The following FBXW8 variants were observed in gnomAD, a reference collection of about 807,000 sequenced individuals.
The protein encoded by FBXW8 is F-box/WD repeat-containing protein 8.
FBXW8 carries 57 observed loss-of-function variants against 65.3 expected under a neutral mutation model. The observed-to-expected ratio is 0.87, with a 90% CI of 0.71 to 1.09. FBXW8 has a LOEUF of 1.09. Ranked by LOEUF, FBXW8 falls within the 50% of genes least tolerant of loss-of-function variation. The pLI is 0.00. For missense variants in FBXW8, 777 were observed against 814.8 expected, an observed-to-expected ratio of 0.95 and a Z score of 0.57; for synonymous variants, 308 against 330.2, an observed-to-expected ratio of 0.93 and a Z score of 0.73.
intron 1 of FBXW8, among the ~76,000 whole-genome samples, chr12:116,917,645 GT>G (rs1880536562): frequency 2.0e-5 from 3 of 152,188 alleles, no homozygotes; most frequent in African/African-American, 7.2e-5. Flanking sequence ...GCCTTGGAGT[GT>G]CATCTGGCTG....
intron 4 of FBXW8, among the ~76,000 whole-genome samples, chr12:116,952,820 C>T (rs144470148): frequency 0.016 from 2,387 of 152,274 alleles, 53 homozygotes; most frequent in African/African-American, 0.048. Flanking sequence ...TCACTGCAAC[C>T]TCCACCTCCC....
chr12:117,025,308 T>C (rs570042347), intron 9 of FBXW8, among the ~76,000 whole-genome samples: 11 of 152,332 alleles, frequency 7.2e-5, no homozygotes, highest in Admixed American at 7.2e-4. Flanking sequence ...TACTCCAGCC[T>C]GGGTGACAGA....
intron 3 of FBXW8, 23 bp from the exon 4 acceptor site, chr12:116,949,595 G>T: frequency 1.2e-6 from 2 of 1,612,030 alleles, no homozygotes; most frequent in Non-Finnish European, 1.7e-6. Context: ...AGTCTAAACT[G>T]CATCCCCCTT....
intron 1 of FBXW8, among the ~76,000 whole-genome samples, chr12:116,912,260 C>T (rs1880019149): frequency 6.6e-6 from 1 of 151,060 alleles, no homozygotes; most frequent in African/African-American, 2.4e-5. Flanking sequence ...CTCTCCCGGC[C>T]CACTGCAGCC....
At chr12:116,922,618 G>A (rs1214686696) in intron 1 of FBXW8, among the ~76,000 whole-genome samples, 1 of 152,098 alleles carries the variant, frequency 6.6e-6, no homozygotes, top group Non-Finnish European at 1.5e-5. Context: ...TAACAGTAAG[G>A]CACAAAACCA....
chr12:116,911,507 G>T (rs1879942896), intron 1 of FBXW8, 152 bp downstream of exon 1: 2 of 522,144 alleles, frequency 3.8e-6, no homozygotes, highest in East Asian at 3.5e-5. Flanking sequence ...CTTGCATAGG[G>T]GTCTTTCTGG....
At chr12:116,960,508 T>C (rs1045861636) in intron 4 of FBXW8, among the ~76,000 whole-genome samples, 3 of 152,204 alleles carry the variant, frequency 2.0e-5, no homozygotes, top group Non-Finnish European at 4.4e-5. Flanking sequence ...TAAATAGATA[T>C]ATGGAAAATT....
chr12:117,027,023 T>G (rs996845042), intron 9 of FBXW8, among the ~76,000 whole-genome samples: 35 of 152,078 alleles, frequency 2.3e-4, no homozygotes, highest in African/African-American at 8.5e-4. Flanking sequence ...ATGGAGAGCC[T>G]GGCTGGGAAA....
chr12:117,025,624 A>C (rs1445311543), intron 9 of FBXW8, among the ~76,000 whole-genome samples: 1 of 152,216 alleles, frequency 6.6e-6, no homozygotes, highest in Non-Finnish European at 1.5e-5. Context: ...TTTATCAGAC[A>C]GAGCCCTGGG....
intron 2 of FBXW8, among the ~76,000 whole-genome samples, chr12:116,930,967 C>T (rs977352728): frequency 1.3e-5 from 2 of 152,130 alleles, no homozygotes; most frequent in East Asian, 1.9e-4. Context: ...GCCAACATGC[C>T]CAGCTAACTT....
intron 2 of FBXW8, among the ~76,000 whole-genome samples, chr12:116,935,255 C>A (rs1290622915): frequency 6.6e-6 from 1 of 152,016 alleles, no homozygotes. Context: ...ATTCTAGAAC[C>A]AAAGACCAGC....
rs1042402676 is a variant in FBXW8 at position 117,030,891 on chromosome 12, C to T, written c.*2719C>T. On this transcript the variant is annotated 3_prime_UTR_variant, in exon 11 of 11. Coordinates refer to ENST00000652555, the MANE Select transcript of FBXW8 (RefSeq NM_153348.3). ...AGCCAACATGTATCCAAATTAAGCC[C>T]CCTTACCTTTATCCAGACCCTTTCA... The T allele has an allele frequency of 2.6e-5, 4 of 152,158 alleles. No homozygotes were observed. The highest frequency in any genetic ancestry group is 9.7e-5 in the African/African-American group (4 of 41,432). 9.4% of individuals were successfully genotyped at this position (152,158 alleles called of 1,614,324 possible).
At chr12:116,930,150 C>T (rs1305043315) in intron 2 of FBXW8, among the ~76,000 whole-genome samples, 21 of 152,180 alleles carry the variant, frequency 1.4e-4, no homozygotes, top group Admixed American at 1.4e-3. Flanking sequence ...ACAGAGATCA[C>T]TTTGACAAAC....
chr12:116,918,297 A>C (rs1386043079), intron 1 of FBXW8, among the ~76,000 whole-genome samples: 1 of 152,090 alleles, frequency 6.6e-6, no homozygotes, highest in Non-Finnish European at 1.5e-5. Flanking sequence ...TCTTCAGTGG[A>C]GTGGCTGTGA....
intron 8 of FBXW8, among the ~76,000 whole-genome samples, chr12:117,010,816 T>A (rs1334115596): frequency 6.6e-6 from 1 of 152,218 alleles, no homozygotes; most frequent in Admixed American, 6.5e-5. Flanking sequence ...AAGGGATGAA[T>A]CATGTTCAGC....
chr12:116,933,646 T>G (rs1361606355), intron 2 of FBXW8, among the ~76,000 whole-genome samples: 1 of 152,228 alleles, frequency 6.6e-6, no homozygotes, highest in African/African-American at 2.4e-5. Flanking sequence ...ATAGAAAATA[T>G]TCTTAAACAG....
intron 5 of FBXW8, among the ~76,000 whole-genome samples, chr12:116,977,233 T>G (rs1387571664): frequency 6.6e-6 from 1 of 152,234 alleles, no homozygotes; most frequent in African/African-American, 2.4e-5. Flanking sequence ...TTTATTACTT[T>G]CCTTGAAAGG....
Position 116,911,033 on chromosome 12 carries a change from C to T in FBXW8, c.-5C>T. The T allele has an allele frequency of 7.1e-7, 1 of 1,413,492 alleles. No homozygotes were observed. Among genetic ancestry groups the T allele is most frequent in the Non-Finnish European group, 9.2e-7 (1 of 1,087,898 alleles). The allele number at this position is 1,413,492 out of a possible 1,614,324, so 87.6% of individuals were successfully genotyped here. A position where few individuals can be genotyped will look rare whatever the true frequency, so the allele number is the denominator to read the frequency against. On this transcript the variant is annotated 5_prime_UTR_variant, in exon 1 of 11. Transcript: ENST00000652555. Reference sequence around the variant, plus strand: ...GGAGAACGTGGAGCGCCGGGAGCGGCGAATATGGACGACTACAGCCTGGAT... The same window carrying T: ...GGAGAACGTGGAGCGCCGGGAGCGGTGAATATGGACGACTACAGCCTGGAT...
Position 116,945,619 on chromosome 12 carries a change from C to T in FBXW8, c.588+91C>T. 5.2e-6 allele frequency: 7 copies of T among 1,339,198 alleles called. No individual in the cohort carries two copies. In the South Asian group the frequency reaches 6.9e-5, roughly 13 times the overall value. 83.0% of individuals were successfully genotyped at this position (1,339,198 alleles called of 1,614,324 possible). On this transcript the variant is annotated intron_variant, in intron 3 of 10. Transcript: ENST00000652555. ...TCACTCATAGCCTGAGATTAATTGC[C>T]AACAGCGAAGGGAGAGGGGTACACT... is the stretch of plus-strand genomic sequence containing the variant.
Sources: gnomAD v4.1 joint callset for allele counts (sites outside exome capture counted in the v4.1 genomes callset) on GRCh38, gnomAD v4.1.1 for gene constraint, MANE v1.5 for transcripts, NCBI Gene and HGNC (gene_info 2026-07-23, HGNC 2026-07-21) for gene names.